The following ATP5F1C variants were observed in gnomAD, a reference collection of about 807,000 sequenced individuals.
ATP5F1C encodes ATP synthase F(1) complex subunit gamma, mitochondrial.
Under a neutral mutation model 37.4 loss-of-function variants are expected in ATP5F1C, and 22 were observed. The ratio of observed to expected loss-of-function variants is 0.59; its 90% CI spans 0.42 to 0.84. The LOEUF (loss-of-function observed/expected upper bound fraction) is 0.84, where lower values mean the gene tolerates loss of function less well. ATP5F1C is among the 40% of genes least tolerant of loss of function. The pLI is 0.00. For missense variants in ATP5F1C, 286 were observed against 362.4 expected, an observed-to-expected ratio of 0.79 and a Z score of 1.71; for synonymous variants, 121 against 128.0, an observed-to-expected ratio of 0.95 and a Z score of 0.37.
intron 2 of ATP5F1C, 182 bp downstream of exon 2, chr10:7,796,337 T>C: frequency 2.0e-6 from 1 of 490,070 alleles, no homozygotes; most frequent in South Asian, 3.1e-5. Flanking sequence ...AAAGGACACC[T>C]GAGACAGCTA....
At chr10:7,788,718 C>T (rs1399782626) in intron 1 of ATP5F1C, among the ~76,000 whole-genome samples, 1 of 152,094 alleles carries the variant, frequency 6.6e-6, no homozygotes, top group South Asian at 2.1e-4. Context: ...CCCTGTAGTG[C>T]TGGACAGAGT....
chr10:7,798,400 G>C (rs1027196074), intron 3 of ATP5F1C, among the ~76,000 whole-genome samples: 1 of 151,410 alleles, frequency 6.6e-6, no homozygotes, highest in African/African-American at 2.4e-5. Context: ...ATCACACCTG[G>C]CTAATTTTTG....
intron 1 of ATP5F1C, 150 bp downstream of exon 1, chr10:7,788,413 G>A (rs1206890082): frequency 2.6e-6 from 3 of 1,174,134 alleles, no homozygotes; most frequent in Admixed American, 2.0e-5. Flanking sequence ...GGTAGCGGGG[G>A]CTGCAGGAAG....
intron 9 of ATP5F1C, 58 bp downstream of exon 9, chr10:7,807,068 G>A (rs1243258588): frequency 1.3e-6 from 2 of 1,490,048 alleles, no homozygotes; most frequent in Non-Finnish European, 1.8e-6. Context: ...TCAGATATAA[G>A]TTAAGCTAAT....
rs931873311 is a variant in ATP5F1C, at chr10:7,807,749, G to C, written c.*121G>C. On this transcript the variant is annotated 3_prime_UTR_variant, in exon 10 of 10. Coordinates refer to ENST00000356708, the MANE Select transcript of ATP5F1C (RefSeq NM_001001973.3). ...CTGTTCCTCCATTATTTGAATTACT[G>C]AAGACAGCAAGATATTTGTAAATTA... 8.6e-6 allele frequency: 12 copies of C among 1,396,716 alleles called. No homozygotes were observed. Among genetic ancestry groups the C allele is most frequent in the Non-Finnish European group, 1.2e-5 (12 of 1,013,450 alleles). The allele number at this position is 1,396,716 out of a possible 1,614,324, so 86.5% of individuals were successfully genotyped here. A position where few individuals can be genotyped will look rare whatever the true frequency, so the allele number is the denominator to read the frequency against.
intron 7 of ATP5F1C, 33 bp downstream of exon 7, chr10:7,802,458 G>A (rs1361320402): frequency 6.3e-7 from 1 of 1,585,296 alleles, no homozygotes; most frequent in Admixed American, 1.8e-5. Context: ...GCCAGCAGGA[G>A]TGCTTGTGAG....
chr10:7,797,113 C>G lies in ATP5F1C; in HGVS notation c.158C>G (p.Ala53Gly). The change falls in exon 3 of 10, where the codon GCA (alanine) becomes GGA (glycine). Residue 53 changes from alanine (A) to glycine (G), a missense_variant. Transcript: ENST00000356708. ...KITKSMKMVAAAKYARAEREL... is the reference protein window; with the variant it reads ...KITKSMKMVAGAKYARAEREL... The stretch of plus-strand genomic sequence containing the variant: ...ACCAAGTCTATGAAAATGGTAGCGG[C>G]AGCAAAATATGCCCGAGCTGAGAGA... The G allele has an allele frequency of 6.2e-7, 1 of 1,614,130 alleles. No individual in the cohort carries two copies. The highest frequency in any genetic ancestry group is 2.2e-5 in the East Asian group (1 of 44,886).
In ATP5F1C at chr10:7,807,030, C is replaced by T. The variant is rs370656869; in HGVS notation, c.*30+20C>T. ...CAAGAGGTAAAGTTCACACATTCTT[C>T]CCATGTCTGTTCAGAAAAGAAACCT... On this transcript the variant is annotated intron_variant, in intron 9 of 9. Coordinates refer to ENST00000356708, the MANE Select transcript of ATP5F1C (RefSeq NM_001001973.3). 2.7e-5 allele frequency: 43 copies of T among 1,600,526 alleles called. No individual in the cohort carries two copies. The highest frequency in any genetic ancestry group is 2.1e-4 in the African/African-American group (16 of 74,654).
intron 1 of ATP5F1C, among the ~76,000 whole-genome samples, chr10:7,789,989 T>C (rs1836137013): frequency 6.6e-6 from 1 of 152,252 alleles, no homozygotes; most frequent in Admixed American, 6.5e-5. Flanking sequence ...ATTGGTTTTA[T>C]AAATCATCAA....
chr10:7,802,733 T>C (rs1836394030), intron 7 of ATP5F1C, 25 bp from the exon 8 acceptor site: 1 of 1,597,978 alleles, frequency 6.3e-7, no homozygotes, highest in Non-Finnish European at 8.5e-7. Context: ...AGATTTTTTA[T>C]GTAGTGTTTT....
At chr10:7,807,148 C>G (rs886268605) in intron 9 of ATP5F1C, 138 bp downstream of exon 9, 2 of 718,116 alleles carry the variant, frequency 2.8e-6, no homozygotes, top group Admixed American at 3.1e-5. Context: ...AGCCAACTCA[C>G]GGGAGCACCT....
At chr10:7,796,218 A>G (rs1405291417) in intron 2 of ATP5F1C, 63 bp downstream of exon 2, 2 of 1,405,484 alleles carry the variant, frequency 1.4e-6, no homozygotes, top group Non-Finnish European at 2.0e-6. Flanking sequence ...AAATACAAAT[A>G]CTTTCAAAAA....
chr10:7,806,431 G>A (rs1004148193), intron 8 of ATP5F1C, among the ~76,000 whole-genome samples: 47 of 152,160 alleles, frequency 3.1e-4, no homozygotes, highest in African/African-American at 1.1e-3. Flanking sequence ...GAGGCGGGTG[G>A]ATCACCTGAG....
rs748393648 is a variant in ATP5F1C at position 7,807,648 on chromosome 10, T to C, written c.*31-11T>C. On this transcript the variant is annotated splice_polypyrimidine_tract_variant and intron_variant, in intron 9 of 9. Transcript: ENST00000356708. ...TTTGATTTCTTACTTGTTCTGTACTTTGTTTTTCAGGTAAAGAAGGAAAAT... is the reference window on the plus strand; with the variant it reads ...TTTGATTTCTTACTTGTTCTGTACTCTGTTTTTCAGGTAAAGAAGGAAAAT... 2 of 1,607,954 alleles carry C rather than the reference T, an allele frequency of 1.2e-6. No homozygotes were observed. Among genetic ancestry groups the C allele is most frequent in the South Asian group, 2.2e-5 (2 of 89,764 alleles).
intron 1 of ATP5F1C, among the ~76,000 whole-genome samples, chr10:7,792,848 C>T (rs569953902): frequency 1.3e-5 from 2 of 152,266 alleles, no homozygotes; most frequent in Admixed American, 1.3e-4. Context: ...CATAACATTT[C>T]ATCTCAGTTG....
intron 3 of ATP5F1C, among the ~76,000 whole-genome samples, chr10:7,798,324 C>G (rs74778238): frequency 1.9e-3 from 288 of 151,360 alleles, no homozygotes; most frequent in African/African-American, 5.7e-3. Context: ...ACAACCTCCC[C>G]CTCCCAGGCT....
At position 7,807,769 on chromosome 10, in the gene ATP5F1C, A is replaced by AC; in HGVS notation, c.*141_*142insC. On this transcript the variant is annotated 3_prime_UTR_variant, in exon 10 of 10. Coordinates refer to ENST00000356708, the MANE Select transcript of ATP5F1C (RefSeq NM_001001973.3). Reference sequence around the variant, plus strand: ...TTACTGAAGACAGCAAGATATTTGTAAATTATCTTAAAATAAACAACTTAA... The same window carrying AC: ...TTACTGAAGACAGCAAGATATTTGTACAATTATCTTAAAATAAACAACTTAA... 8.2e-7 allele frequency: 1 copy of AC among 1,218,416 alleles called. No individual in the cohort carries two copies. Among genetic ancestry groups the AC allele is most frequent in the Non-Finnish European group, 1.1e-6 (1 of 870,686 alleles). 75.5% of individuals were successfully genotyped at this position (1,218,416 alleles called of 1,614,324 possible).
intron 9 of ATP5F1C, 151 bp from the exon 10 acceptor site, chr10:7,807,508 C>A: frequency 1.1e-6 from 1 of 875,842 alleles, no homozygotes. Context: ...GTTCCCCAGA[C>A]CAAAATTTTA....
intron 8 of ATP5F1C, among the ~76,000 whole-genome samples, 163 bp from the exon 9 acceptor site, chr10:7,806,811 T>C (rs774400278): frequency 6.6e-6 from 1 of 152,242 alleles, no homozygotes; most frequent in Non-Finnish European, 1.5e-5. Context: ...ATTGAGTCTG[T>C]TTCAAAGGAA....
Sources: allele counts gnomAD v4.1 joint callset (sites outside exome capture counted in the v4.1 genomes callset), GRCh38; gene constraint gnomAD v4.1.1; transcripts MANE v1.5; gene names NCBI Gene and HGNC (gene_info 2026-07-23, HGNC 2026-07-21).